Variants in JAK2 observed in about 807,000 individuals in gnomAD.
The protein encoded by JAK2 is Janus kinase 2, also known as tyrosine-protein kinase JAK2.
JAK2 carries 86 observed loss-of-function variants against 139.3 expected under a neutral mutation model. That is an observed-to-expected ratio of 0.62 (90% confidence interval 0.52 to 0.74). JAK2 has a LOEUF of 0.74. Ranked by LOEUF, JAK2 falls within the 30% of genes least tolerant of loss-of-function variation. The pLI is 0.00. For synonymous variants in JAK2, 490 were observed against 437.7 expected (o/e 1.12, Z -1.49); for missense variants, 1,421 against 1,360.3 (o/e 1.04, Z -0.70).
chr9:5,123,525 C>A (rs931936149), intron 23 of JAK2, among the ~76,000 whole-genome samples: 1 of 151,908 alleles, frequency 6.6e-6, no homozygotes, highest in African/African-American at 2.4e-5. Flanking sequence ...TGTATGTATA[C>A]CACATTTTCT....
At chr9:5,126,273 G>A (rs1823989238) in intron 23 of JAK2, 60 bp from the exon 24 acceptor site, 1 of 1,236,654 alleles carries the variant, frequency 8.1e-7, no homozygotes, top group Non-Finnish European at 1.2e-6. Flanking sequence ...GGAGGAAATT[G>A]AGAAAGAATT....
intron 4 of JAK2, chr9:5,040,982 AATTGGAGCT>A: frequency 1.6e-6 from 1 of 613,158 alleles, no homozygotes; most frequent in Non-Finnish European, 3.0e-6. Flanking sequence ...GTGGCTATCA[AATTGGAGCT>A]GATCAAGTTC....
chr9:5,003,378 C>A (rs1034164672), intron 2 of JAK2, among the ~76,000 whole-genome samples: 1 of 151,918 alleles, frequency 6.6e-6, no homozygotes, highest in African/African-American at 2.4e-5. Context: ...TCTTATTTAG[C>A]TAGCATTTAT....
chr9:5,052,537 T>C (rs1250898123), intron 6 of JAK2, among the ~76,000 whole-genome samples: 1 of 152,150 alleles, frequency 6.6e-6, no homozygotes, highest in Admixed American at 6.6e-5. Context: ...ATATACAATT[T>C]AATATTTTGT....
chr9:5,102,419 T>G lies in JAK2; in HGVS notation c.3059+11508T>G, dbSNP rs889273671. Among the ~76,000 whole-genome samples, 25 of 152,300 alleles carry G rather than the reference T, an allele frequency of 1.6e-4. 1 individual carries two copies. The highest frequency in any genetic ancestry group is 4.3e-4 in the African/African-American group (18 of 41,566). ...AAAAGACCAAATCTACATTTGATTG[T>G]TGTACCTGAAAGTGACGGGGAGAAT... On this transcript the variant is annotated intron_variant, in intron 22 of 24. Transcript: ENST00000381652.
At chr9:5,049,507 A>C (rs1383217200) in intron 5 of JAK2, among the ~76,000 whole-genome samples, 1 of 152,218 alleles carries the variant, frequency 6.6e-6, no homozygotes, top group South Asian at 2.1e-4. Context: ...CAAATCTTCC[A>C]TGAAACCCTC....
intron 2 of JAK2, among the ~76,000 whole-genome samples, chr9:4,999,093 G>A (rs1820778477): frequency 6.6e-6 from 1 of 152,046 alleles, no homozygotes; most frequent in Admixed American, 6.6e-5. Flanking sequence ...CCAAAGTGCT[G>A]GGATTACAGG....
At chr9:5,110,987 TCCCGCTG>T in intron 22 of JAK2, 1 of 649,442 alleles carries the variant, frequency 1.5e-6, no homozygotes, top group Non-Finnish European at 2.8e-6. Context: ...AGCATGATGT[TCCCGCTG>T]CCCGTTGCCA....
intron 10 of JAK2, among the ~76,000 whole-genome samples, chr9:5,067,932 T>A (rs1818680179): frequency 6.6e-6 from 1 of 152,034 alleles, no homozygotes; most frequent in Admixed American, 6.5e-5. Flanking sequence ...GGCGGGTGGA[T>A]CACGAGGTCA....
Position 5,065,549 on chromosome 9 carries a change from G to T in JAK2, c.1214+509G>T, listed in dbSNP as rs550623301. Among the ~76,000 whole-genome samples the T allele has an allele frequency of 3.3e-5, 5 of 152,272 alleles. No homozygotes were observed. In the South Asian group the frequency reaches 1.0e-3, roughly 32 times the overall value. ...CAGCAGCCACTAGCTACATGTGGCT[G>T]TTTAGCATTTGAGATGTGGCTAATG... On this transcript the variant is annotated intron_variant, in intron 9 of 24. Transcript: ENST00000381652.
At chr9:5,086,200 C>T (rs2130648810) in intron 19 of JAK2, 2 of 574,836 alleles carry the variant, frequency 3.5e-6, no homozygotes, top group Non-Finnish European at 4.5e-6. Context: ...CGCGCCGCCC[C>T]CGCCACCAGC....
At chr9:5,122,918 T>C in intron 22 of JAK2, 86 bp from the exon 23 acceptor site, 1 of 816,990 alleles carries the variant, frequency 1.2e-6, no homozygotes, top group Non-Finnish European at 1.9e-6. Context: ...ATGTTTTTTT[T>C]TTTAATTTAT....
chr9:5,080,204 C>A (rs769670589), intron 16 of JAK2, 25 bp from the exon 17 acceptor site: 22 of 1,564,124 alleles, frequency 1.4e-5, no homozygotes, highest in South Asian at 1.2e-5. Context: ...TTATTTAACC[C>A]TACTCTGTTC....
intron 6 of JAK2, among the ~76,000 whole-genome samples, chr9:5,052,554 T>G (rs1256793771): frequency 6.6e-6 from 1 of 152,146 alleles, no homozygotes; most frequent in African/African-American, 2.4e-5. Context: ...TTGTATTATA[T>G]TCACAGGGTT....
At chr9:5,018,456 C>A (rs1217463376) in intron 2 of JAK2, among the ~76,000 whole-genome samples, 2 of 152,170 alleles carry the variant, frequency 1.3e-5, no homozygotes, top group African/African-American at 4.8e-5. Context: ...TCTGCCTCAG[C>A]CTCTCAGGTA....
At chr9:5,125,973 ATT>A (rs905643737) in intron 23 of JAK2, 3 of 157,452 alleles carry the variant, frequency 1.9e-5, no homozygotes, top group African/African-American at 7.2e-5. Context: ...TTATTCATTC[ATT>A]TTTTCTTATA....
Position 5,090,861 on chromosome 9 carries a change from A to G in JAK2, c.3009A>G (p.Gln1003=). 1 of 1,613,174 alleles carries G rather than the reference A, an allele frequency of 6.2e-7. No individual in the cohort carries two copies. Among genetic ancestry groups the G allele is most frequent in the Non-Finnish European group, 8.5e-7 (1 of 1,179,406 alleles). The change falls in exon 22 of 25, where the codon CAA becomes CAG. Residue 1003 remains glutamine (Q), a synonymous_variant. Transcript: ENST00000381652. ...TTGGGTTAACCAAAGTCTTGCCACA[A>G]GACAAAGAATACTATAAAGTAAAAG... is the stretch of plus-strand genomic sequence containing the variant. ...GDFGLTKVLP[Q]DKEYYKVKEP...
intron 22 of JAK2, chr9:5,112,137 C>A (rs1255355058): frequency 6.4e-6 from 2 of 311,704 alleles, no homozygotes; most frequent in South Asian, 2.6e-5. Context: ...ACGCCATGGG[C>A]ACGGCTAGCA....
chr9:5,084,306 A>G (rs1819921022), intron 19 of JAK2, among the ~76,000 whole-genome samples: 1 of 152,104 alleles, frequency 6.6e-6, no homozygotes, highest in Admixed American at 6.5e-5. Flanking sequence ...TGTTTGTTTG[A>G]AGTAATTGAT....
Sources: allele counts gnomAD v4.1 joint callset (sites outside exome capture counted in the v4.1 genomes callset), GRCh38; gene constraint gnomAD v4.1.1; transcripts MANE v1.5; gene names NCBI Gene and HGNC (gene_info 2026-07-23, HGNC 2026-07-21).